The following HNF1B variants were observed in gnomAD, a reference collection of about 807,000 sequenced individuals.
HNF1B encodes hepatocyte nuclear factor 1-beta.
A neutral mutation model predicts 61.7 loss-of-function variants in HNF1B; 8 were observed. That is an observed-to-expected ratio of 0.13 (90% CI 0.08 to 0.23). HNF1B has a LOEUF of 0.23. Ranked by LOEUF, HNF1B falls within the 10% of genes least tolerant of loss-of-function variation. The pLI is 1.00. For missense variants in HNF1B, 562 were observed against 714.5 expected, an observed-to-expected ratio of 0.79 and a Z score of 2.43; for synonymous variants, 314 against 287.7, an observed-to-expected ratio of 1.09 and a Z score of -0.93.
chr17:37,733,911 C>T (rs2033763122), intron 2 of HNF1B, 90 bp from the exon 3 acceptor site: 44 of 1,450,196 alleles, frequency 3.0e-5, no homozygotes, highest in Non-Finnish European at 4.1e-5. Flanking sequence ...ACGAAGACAC[C>T]TTTATTCCCC....
At chr17:37,724,237 C>A (rs1046792119) in intron 4 of HNF1B, among the ~76,000 whole-genome samples, 2 of 152,100 alleles carry the variant, frequency 1.3e-5, no homozygotes, top group East Asian at 1.9e-4. Flanking sequence ...TAACACCCCC[C>A]ACCCCAGGGA....
At chr17:37,709,824 A>T (rs1165938315) in intron 5 of HNF1B, among the ~76,000 whole-genome samples, 2 of 152,070 alleles carry the variant, frequency 1.3e-5, no homozygotes, top group Non-Finnish European at 2.9e-5. Flanking sequence ...TAGATGAGGA[A>T]GAGATCATAA....
rs34210303 is a variant in HNF1B at position 37,724,903 on chromosome 17, CGTGTGTGTGT to C, written c.1045+6682_1045+6691del. Among the ~76,000 whole-genome samples, 872 of 145,400 alleles carry C rather than the reference CGTGTGTGTGT, an allele frequency of 6.0e-3. 4 individuals are homozygous for C. Among genetic ancestry groups the C allele is most frequent in the African/African-American group, 0.017 (648 of 37,836 alleles). ...TATATATATAACTTCTATATGTATG[CGTGTGTGTGT>C]GTGTGTGTGTGTGTGTGTGTGTGTA... On this transcript the variant is annotated intron_variant, in intron 4 of 8. Coordinates refer to ENST00000617811, the MANE Select transcript of HNF1B (RefSeq NM_000458.4).
Position 37,687,055 on chromosome 17 carries a change from G to A in HNF1B, c.*317C>T. 1.7e-6 allele frequency: 1 copy of A among 577,350 alleles called. No individual in the cohort carries two copies. Among genetic ancestry groups the A allele is most frequent in the Non-Finnish European group, 3.1e-6 (1 of 322,712 alleles). The allele number at this position is 577,350 out of a possible 1,614,324, so 35.8% of individuals were successfully genotyped here. A position where few individuals can be genotyped will look rare whatever the true frequency, so the allele number is the denominator to read the frequency against. Reference sequence around the variant, plus strand: ...TTTTCGCATCAGTTTGTTCGATGAAGGATCACAACATAGACAGTACGGCTT... The same window carrying A: ...TTTTCGCATCAGTTTGTTCGATGAAAGATCACAACATAGACAGTACGGCTT... On this transcript the variant is annotated 3_prime_UTR_variant, in exon 9 of 9. Coordinates refer to ENST00000617811, the MANE Select transcript of HNF1B (RefSeq NM_000458.4).
rs190586707 is a variant in HNF1B at position 37,712,100 on chromosome 17, A to G, written c.1046-1437T>C. On this transcript the variant is annotated intron_variant, in intron 4 of 8. Coordinates refer to ENST00000617811, the MANE Select transcript of HNF1B (RefSeq NM_000458.4). ...CTTAAGAGGGCTGGGGAAAAGAACA[A>G]AACAAATGCTAAAGCTGGGTTCTAA... Among the ~76,000 whole-genome samples, 350 of 152,340 alleles carry G rather than the reference A, an allele frequency of 2.3e-3. 7 individuals are homozygous for G. Among genetic ancestry groups the G allele is most frequent in the Non-Finnish European group, 4.7e-4 (32 of 68,034 alleles).
chr17:37,699,040 C>T (rs973859138), intron 8 of HNF1B, 36 bp downstream of exon 8: 1 of 1,484,782 alleles, frequency 6.7e-7, no homozygotes, highest in African/African-American at 1.4e-5. Flanking sequence ...CACACCCTGC[C>T]CACACCCCAA....
chr17:37,733,586 C>G lies in HNF1B; in HGVS notation c.780G>C (p.Glu260Asp), dbSNP rs536638039. Reference protein sequence around the residue: ...YDRQKNPSKEEREALVEECNR... With the variant: ...YDRQKNPSKEDREALVEECNR... ...TGCATTCCTCCACTAAGGCCTCTCTCTCTTCCTTGCTGGGGTTCTTTTGCC... is the reference window on the plus strand; with the variant it reads ...TGCATTCCTCCACTAAGGCCTCTCTGTCTTCCTTGCTGGGGTTCTTTTGCC... Residue 260 changes from glutamate to aspartate, a missense_variant, in exon 3 of 9, where the codon GAG becomes GAC. Around this residue, in one of 6 missense-constraint regions of HNF1B, gnomAD observed 54 missense variants for 122.1 expected, o/e 0.44. Coordinates refer to ENST00000617811, the MANE Select transcript of HNF1B (RefSeq NM_000458.4). 29 of 1,614,224 alleles carry G rather than the reference C, an allele frequency of 1.8e-5. No homozygotes were observed. The East Asian group carries it at 4.9e-4, about 27-fold the overall frequency.
chr17:37,723,014 CAT>C (rs1349168614), intron 4 of HNF1B, among the ~76,000 whole-genome samples: 1 of 152,050 alleles, frequency 6.6e-6, no homozygotes, highest in African/African-American at 2.4e-5. Context: ...AAGCAATACA[CAT>C]GAGAGGAGTA....
At chr17:37,690,981 GA>G (rs924440005) in intron 8 of HNF1B, among the ~76,000 whole-genome samples, 3 of 152,180 alleles carry the variant, frequency 2.0e-5, no homozygotes, top group Non-Finnish European at 2.9e-5. Flanking sequence ...GCCAAAGAAT[GA>G]GGCCCGGGGC....
chr17:37,692,303 T>C (rs1025539158), intron 8 of HNF1B, among the ~76,000 whole-genome samples: 6 of 152,270 alleles, frequency 3.9e-5, no homozygotes, highest in Admixed American at 3.3e-4. Flanking sequence ...TTTAGCCTTA[T>C]ACCTGCATAA....
chr17:37,687,524 T>C, intron 8 of HNF1B, 132 bp from the exon 9 acceptor site: 1 of 752,270 alleles, frequency 1.3e-6, no homozygotes, highest in Non-Finnish European at 2.4e-6. Flanking sequence ...GCTGGGGGCC[T>C]CGTGTCTGCT....
chr17:37,743,174 C>T (rs2034052297), intron 1 of HNF1B, among the ~76,000 whole-genome samples: 1 of 152,172 alleles, frequency 6.6e-6, no homozygotes, highest in Non-Finnish European at 1.5e-5. Flanking sequence ...AGGGCCTAGG[C>T]CCTGTGGCCC....
At chr17:37,699,302 G>C in intron 7 of HNF1B, 108 bp from the exon 8 acceptor site, 1 of 848,286 alleles carries the variant, frequency 1.2e-6, no homozygotes, top group Non-Finnish European at 2.1e-6. Flanking sequence ...TAGATAAAAG[G>C]GCTGGTGGTT....
intron 8 of HNF1B, among the ~76,000 whole-genome samples, chr17:37,688,861 T>A (rs150198097): frequency 6.6e-6 from 1 of 152,258 alleles, no homozygotes; most frequent in Non-Finnish European, 1.5e-5. Context: ...AGAGTGGGGC[T>A]GAAGGCCTGG....
At position 37,724,926 on chromosome 17, in the gene HNF1B, G is replaced by A. The variant is rs939219457; in HGVS notation, c.1045+6669C>T. ...TGCGTGTGTGTGTGTGTGTGTGTGT[G>A]TGTGTGTGTGTATATATATATAATA... is the stretch of plus-strand genomic sequence containing the variant. On this transcript the variant is annotated intron_variant, in intron 4 of 8. Coordinates refer to ENST00000617811, the MANE Select transcript of HNF1B (RefSeq NM_000458.4). Among the ~76,000 whole-genome samples, 8 of 138,390 alleles carry A rather than the reference G, an allele frequency of 5.8e-5. No homozygotes were observed. In the South Asian group the frequency reaches 7.1e-4, roughly 12 times the overall value. 90.8% of individuals were successfully genotyped at this position (138,390 alleles called of 152,430 possible). A position where few individuals can be genotyped will look rare whatever the true frequency, so the allele number is the denominator to read the frequency against.
In HNF1B at chr17:37,701,097, A is replaced by C; in HGVS notation, c.1420T>G (p.Phe474Val). Residue 474 changes from phenylalanine (F) to valine (V), a missense_variant, in exon 7 of 9, where the codon TTC becomes GTC. Coordinates refer to ENST00000617811, the MANE Select transcript of HNF1B (RefSeq NM_000458.4). Reference sequence around the variant, plus strand: ...TGAGGGCTGTGCAGCTGCTGGGAGAACTGGACGGGCTGCAGGGCTGCCAGG... The same window carrying C: ...TGAGGGCTGTGCAGCTGCTGGGAGACCTGGACGGGCTGCAGGGCTGCCAGG... The part of the protein sequence containing the change: ...GSLAALQPVQ[F>V]SQQLHSPHQQ... 1 of 1,553,468 alleles carries C rather than the reference A, an allele frequency of 6.4e-7. No individual in the cohort carries two copies. The highest frequency in any genetic ancestry group is 8.7e-7 in the Non-Finnish European group (1 of 1,148,246).
intron 5 of HNF1B, among the ~76,000 whole-genome samples, chr17:37,710,167 G>A (rs1398937421): frequency 6.7e-6 from 1 of 149,528 alleles, no homozygotes; most frequent in South Asian, 2.1e-4. Flanking sequence ...AGGCCTTGGG[G>A]GGAGGGATGA....
chr17:37,732,350 G>A (rs1205961702), intron 3 of HNF1B, among the ~76,000 whole-genome samples: 1 of 152,178 alleles, frequency 6.6e-6, no homozygotes, highest in Non-Finnish European at 1.5e-5. Context: ...GCATTGAGAT[G>A]GCCAGTCTCT....
chr17:37,706,589 G>A (rs924394741), intron 5 of HNF1B, among the ~76,000 whole-genome samples: 8 of 151,572 alleles, frequency 5.3e-5, no homozygotes, highest in Non-Finnish European at 8.8e-5. Context: ...ATGTTAGGGG[G>A]TCACATGACC....
Sources: allele counts gnomAD v4.1 joint callset (sites outside exome capture counted in the v4.1 genomes callset), GRCh38; gene constraint gnomAD v4.1.1; regional missense constraint gnomAD v4.1.1; transcripts MANE v1.5; gene names NCBI Gene and HGNC (gene_info 2026-07-23, HGNC 2026-07-21).